STK17A: variants seen among roughly 807,000 people sequenced by gnomAD.
STK17A encodes the protein serine/threonine-protein kinase 17A.
Under a neutral mutation model 43.7 loss-of-function variants are expected in STK17A, and 26 were observed. That is an observed-to-expected ratio of 0.60 (90% CI 0.44 to 0.83). The LOEUF (loss-of-function observed/expected upper bound fraction) is 0.83, where lower values mean the gene tolerates loss of function less well. STK17A is among the 40% of genes least tolerant of loss of function. STK17A has a pLI of 0.00. For synonymous variants in STK17A, 191 were observed against 182.5 expected (o/e 1.05, Z -0.38); for missense variants, 476 against 511.6 (o/e 0.93, Z 0.67).
In STK17A at chr7:43,619,623, ATC is replaced by A. The variant is rs2083671842; in HGVS notation, c.594_595del (p.Pro199IlefsTer3). The A allele has an allele frequency of 6.2e-7, 1 of 1,613,842 alleles. No individual in the cohort carries two copies. Among genetic ancestry groups the A allele is most frequent in the Admixed American group, 1.7e-5 (1 of 59,984 alleles). On this transcript the variant is annotated frameshift_variant, in exon 4 of 7. Transcript: ENST00000319357. LOFTEE classifies it high-confidence loss of function. ...CTCAGAATATTCTGTTGACAAGTGA[ATC>A]TCCATTGGGTGACATTAAGATTGTT... ...KPQNILLTSE[S>X]PLGDIKIVDF...
At chr7:43,594,684 A>T (rs964997932) in intron 1 of STK17A, among the ~76,000 whole-genome samples, 1 of 152,182 alleles carries the variant, frequency 6.6e-6, no homozygotes, top group African/African-American at 2.4e-5. Flanking sequence ...GGCAAGTACC[A>T]TGCTAAGCAA....
In STK17A at chr7:43,624,566, G is replaced by GTGCT. The variant is rs1563170550; in HGVS notation, c.969_970insTGCT (p.Ser324CysfsTer2). 1 of 1,614,072 alleles carries GTGCT rather than the reference G, an allele frequency of 6.2e-7. No homozygotes were observed. Among genetic ancestry groups the GTGCT allele is most frequent in the Admixed American group, 1.7e-5 (1 of 60,030 alleles). ...GTCTAAAGCACCCCTGGTTGACACA[G>GTGCT]AGCAGTATTCAAGAGCCTTCTTTCA... On this transcript the variant is annotated frameshift_variant, in exon 7 of 7. Transcript: ENST00000319357. LOFTEE classifies it high-confidence loss of function.
At position 43,626,947 on chromosome 7, in the gene STK17A, T is replaced by G. The variant is rs2084617322; in HGVS notation, c.*2105T>G. On this transcript the variant is annotated 3_prime_UTR_variant, in exon 7 of 7. Transcript: ENST00000319357. ...AGGTGTATTGGCATTTTTTGGTTTA[T>G]AAGATAAAAACAGGGCATGAAGAGC... is the stretch of plus-strand genomic sequence containing the variant. Among the ~76,000 whole-genome samples the G allele has an allele frequency of 6.6e-6, 1 of 152,180 alleles. No individual in the cohort carries two copies. The highest frequency in any genetic ancestry group is 2.4e-5 in the African/African-American group (1 of 41,442).
intron 3 of STK17A, among the ~76,000 whole-genome samples, chr7:43,613,794 T>C (rs2083091031): frequency 6.6e-6 from 1 of 152,204 alleles, no homozygotes; most frequent in African/African-American, 2.4e-5. Context: ...CAGTGGGCTA[T>C]GATTGCACCC....
chr7:43,615,896 G>C (rs982511416), intron 3 of STK17A, among the ~76,000 whole-genome samples: 2 of 152,082 alleles, frequency 1.3e-5, no homozygotes, highest in Non-Finnish European at 2.9e-5. Flanking sequence ...TGCCTTCTTA[G>C]AGAGGCCTTC....
chr7:43,622,675 A>G (rs1319424923), intron 4 of STK17A: 1 of 147,282 alleles, frequency 6.8e-6, no homozygotes, highest in Non-Finnish European at 1.5e-5. Flanking sequence ...TGTGGCAGCA[A>G]TTTACTTTAT....
chr7:43,596,167 CG>C (rs2082514098), intron 2 of STK17A, 54 bp downstream of exon 2: 1 of 1,484,150 alleles, frequency 6.7e-7, no homozygotes, highest in East Asian at 2.3e-5. Flanking sequence ...ACTTCCTTTA[CG>C]GAATGCCACT....
rs2082430298 is a variant in STK17A at position 43,585,211 on chromosome 7, A to G, written c.206+1762A>G. Among the ~76,000 whole-genome samples, 5 of 152,040 alleles carry G rather than the reference A, an allele frequency of 3.3e-5. No homozygotes were observed. In the South Asian group the frequency reaches 1.0e-3, roughly 31 times the overall value. On this transcript the variant is annotated intron_variant, in intron 1 of 6. Transcript: ENST00000319357. ...GACTCCATCTCCAAAAAAAAAAAGG[A>G]AAACTACGTTTTTCCATTATTTGGT... is the stretch of plus-strand genomic sequence containing the variant.
intron 3 of STK17A, among the ~76,000 whole-genome samples, chr7:43,618,229 G>GT (rs1308035919): frequency 6.6e-6 from 1 of 152,194 alleles, no homozygotes; most frequent in Non-Finnish European, 1.5e-5. Context: ...AGCCCTCCCT[G>GT]GAAGGAGCAG....
chr7:43,593,345 G>A (rs1276144246), intron 1 of STK17A, among the ~76,000 whole-genome samples: 2 of 152,224 alleles, frequency 1.3e-5, no homozygotes, highest in Non-Finnish European at 2.9e-5. Flanking sequence ...GAATAGGGCT[G>A]TGATTAACAT....
At chr7:43,597,410 T>C (rs1166100394) in intron 2 of STK17A, among the ~76,000 whole-genome samples, 2 of 151,914 alleles carry the variant, frequency 1.3e-5, no homozygotes, top group African/African-American at 4.8e-5. Context: ...TTTTTTGAGA[T>C]GGATTTTCAC....
At chr7:43,595,880 A>C in intron 1 of STK17A, 21 bp from the exon 2 acceptor site, 1 of 1,607,950 alleles carries the variant, frequency 6.2e-7, no homozygotes, top group Non-Finnish European at 8.5e-7. Flanking sequence ...TTTAACAGTG[A>C]ATGTTTTTGT....
chr7:43,624,430 A>G, intron 6 of STK17A, 88 bp from the exon 7 acceptor site: 1 of 1,304,892 alleles, frequency 7.7e-7, no homozygotes, highest in East Asian at 2.6e-5. Flanking sequence ...AGACTTCCCA[A>G]AATATAATGC....
At position 43,624,515 on chromosome 7, in the gene STK17A, C is replaced by CATAA; in HGVS notation, c.921-2_921-1insTAAA. The CATAA allele has an allele frequency of 4.4e-6, 7 of 1,606,820 alleles. No individual in the cohort carries two copies. The highest frequency in any genetic ancestry group is 5.9e-6 in the Non-Finnish European group (7 of 1,176,604). On this transcript the variant is annotated splice_polypyrimidine_tract_variant and splice_region_variant and intron_variant, in intron 6 of 6. Coordinates refer to ENST00000319357, the MANE Select transcript of STK17A (RefSeq NM_004760.3). Reference sequence around the variant, plus strand: ...CTTAACTGTAAAACATGTATCTTTACAGAGATCGAGCCACTGCTGAAGAAT... The same window carrying CATAA: ...CTTAACTGTAAAACATGTATCTTTACATAAAGAGATCGAGCCACTGCTGAAGAAT...
At chr7:43,608,139 T>C (rs977948227) in intron 2 of STK17A, 117 bp from the exon 3 acceptor site, 1 of 1,044,204 alleles carries the variant, frequency 9.6e-7, no homozygotes, top group African/African-American at 1.6e-5. Flanking sequence ...AAAAATACAT[T>C]TTTTAAAAAA....
chr7:43,624,384 A>T, intron 6 of STK17A, 134 bp from the exon 7 acceptor site: 1 of 848,226 alleles, frequency 1.2e-6, no homozygotes, highest in Non-Finnish European at 1.7e-6. Flanking sequence ...TAATAGTTTT[A>T]TTCAGGAATC....
At chr7:43,593,853 A>C (rs1051943029) in intron 1 of STK17A, among the ~76,000 whole-genome samples, 2 of 152,104 alleles carry the variant, frequency 1.3e-5, no homozygotes, top group Non-Finnish European at 2.9e-5. Flanking sequence ...ATTTTTTAGC[A>C]ATCATTTTTA....
At chr7:43,602,337 A>G (rs543150217) in intron 2 of STK17A, among the ~76,000 whole-genome samples, 2 of 152,166 alleles carry the variant, frequency 1.3e-5, no homozygotes, top group South Asian at 2.1e-4. Flanking sequence ...CCTTACTGCT[A>G]TACTTGTTAA....
chr7:43,584,176 G>T (rs2082423470), intron 1 of STK17A, among the ~76,000 whole-genome samples: 1 of 152,044 alleles, frequency 6.6e-6, no homozygotes, highest in African/African-American at 2.4e-5. Context: ...AGTTGCAGGT[G>T]CAGGCTGTTC....
Sources: gnomAD v4.1 joint callset for allele counts (sites outside exome capture counted in the v4.1 genomes callset) on GRCh38, gnomAD v4.1.1 for gene constraint, MANE v1.5 for transcripts, NCBI Gene and HGNC (gene_info 2026-07-23, HGNC 2026-07-21) for gene names.